STK39: variants seen among roughly 807,000 people sequenced by gnomAD.
STK39 encodes STE20/SPS1-related proline-alanine-rich protein kinase.
A neutral mutation model predicts 77.8 loss-of-function variants in STK39; 20 were observed. The ratio of observed to expected loss-of-function variants is 0.26; its 90% CI spans 0.18 to 0.37. STK39 has a LOEUF of 0.37. STK39 is among the 10% of genes least tolerant of loss of function. The pLI, the probability that STK39 is intolerant of heterozygous loss-of-function variation, is 1.00. For missense variants in STK39, 479 were observed against 656.5 expected, an observed-to-expected ratio of 0.73 and a Z score of 2.95; for synonymous variants, 246 against 234.1, an observed-to-expected ratio of 1.05 and a Z score of -0.47.
At chr2:168,146,311 C>T (rs1688138346) in intron 5 of STK39, among the ~76,000 whole-genome samples, 1 of 152,154 alleles carries the variant, frequency 6.6e-6, no homozygotes, top group East Asian at 1.9e-4. Context: ...TGGGTGAGTA[C>T]CCAAGCCTCA....
intron 1 of STK39, among the ~76,000 whole-genome samples, chr2:168,237,504 T>G (rs909417329): frequency 7.2e-5 from 11 of 152,080 alleles, no homozygotes; most frequent in African/African-American, 1.7e-4. Context: ...GGTGAGAGAG[T>G]GCATCCCTGT....
intron 14 of STK39, among the ~76,000 whole-genome samples, chr2:168,058,754 ACT>A (rs1204198469): frequency 6.6e-6 from 1 of 152,006 alleles, no homozygotes; most frequent in African/African-American, 2.4e-5. Flanking sequence ...GTTAATCCTC[ACT>A]CTGGTCCAAG....
At chr2:168,108,085 G>T (rs576746611) in intron 10 of STK39, among the ~76,000 whole-genome samples, 5 of 152,072 alleles carry the variant, frequency 3.3e-5, no homozygotes, top group Non-Finnish European at 7.4e-5. Flanking sequence ...TTGTATACTG[G>T]AACAACAAGC....
At chr2:168,200,315 A>G (rs2105672031) in intron 1 of STK39, among the ~76,000 whole-genome samples, 1 of 152,238 alleles carries the variant, frequency 6.6e-6, no homozygotes, top group Admixed American at 6.5e-5. Flanking sequence ...CCAAACTACT[A>G]TCTTACTTCA....
At chr2:168,213,048 C>T (rs756818159) in intron 1 of STK39, among the ~76,000 whole-genome samples, 3 of 152,190 alleles carry the variant, frequency 2.0e-5, no homozygotes, top group Non-Finnish European at 4.4e-5. Flanking sequence ...CCCAGTGACT[C>T]GACCCACAGA....
chr2:168,110,438 A>G (rs1054882914), intron 10 of STK39, among the ~76,000 whole-genome samples: 6 of 151,970 alleles, frequency 3.9e-5, no homozygotes, highest in African/African-American at 1.5e-4. Context: ...CGGTCTCGCT[A>G]TGTTGCCCAG....
chr2:168,224,518 A>G (rs943203400), intron 1 of STK39, among the ~76,000 whole-genome samples: 18 of 151,834 alleles, frequency 1.2e-4, no homozygotes, highest in Admixed American at 4.6e-4. Flanking sequence ...TAAGCCAGGC[A>G]TTAGGTGATT....
At chr2:168,158,848 G>C (rs1688500549) in intron 5 of STK39, among the ~76,000 whole-genome samples, 1 of 152,154 alleles carries the variant, frequency 6.6e-6, no homozygotes, top group African/African-American at 2.4e-5. Flanking sequence ...ATTAGTTCCT[G>C]ATTTTATACC....
intron 16 of STK39, among the ~76,000 whole-genome samples, chr2:168,002,102 A>G (rs1389030050): frequency 6.6e-6 from 1 of 152,252 alleles, no homozygotes; most frequent in Non-Finnish European, 1.5e-5. Flanking sequence ...GATATCTACA[A>G]CTAATCCACT....
intron 17 of STK39, among the ~76,000 whole-genome samples, chr2:167,958,979 A>C (rs1038385108): frequency 1.3e-5 from 2 of 152,200 alleles, no homozygotes; most frequent in Non-Finnish European, 2.9e-5. Context: ...ACCCATCACC[A>C]ATCTCATCAG....
At chr2:168,232,246 T>C (rs1265072693) in intron 1 of STK39, 2 of 160,612 alleles carry the variant, frequency 1.2e-5, no homozygotes, top group African/African-American at 4.8e-5. Context: ...ATATAAAATG[T>C]AGCTATAAAG....
intron 14 of STK39, among the ~76,000 whole-genome samples, chr2:168,027,500 T>C (rs1012483762): frequency 2.0e-5 from 3 of 152,076 alleles, no homozygotes; most frequent in Non-Finnish European, 4.4e-5. Flanking sequence ...CCCAAACCAA[T>C]GTCAGATAGA....
At chr2:168,235,853 A>G (rs1381976220) in intron 1 of STK39, among the ~76,000 whole-genome samples, 1 of 152,048 alleles carries the variant, frequency 6.6e-6, no homozygotes, top group East Asian at 1.9e-4. Context: ...CCAGTCTATC[A>G]TTGTTGGACA....
intron 12 of STK39, among the ~76,000 whole-genome samples, chr2:168,070,595 C>G (rs899842622): frequency 1.6e-5 from 2 of 128,166 alleles, no homozygotes; most frequent in Admixed American, 1.7e-4. Context: ...TCCCTCCCCC[C>G]TCCCCCAACT....
Position 168,141,289 on chromosome 2 carries a change from A to AT in STK39, c.629-532dup, listed in dbSNP as rs199530770. Among the ~76,000 whole-genome samples, 5 of 152,248 alleles carry AT rather than the reference A, an allele frequency of 3.3e-5. No homozygotes were observed. The East Asian group carries it at 9.7e-4, about 29-fold the overall frequency. On this transcript the variant is annotated intron_variant, in intron 5 of 17. Coordinates refer to ENST00000355999, the MANE Select transcript of STK39 (RefSeq NM_013233.3). ...CGACCAGAAATGTTTTAGATTTTGG[A>AT]TTTTTTCTCATTTTAAAATACTTGC...
chr2:168,063,625 T>G, intron 13 of STK39, 55 bp from the exon 14 acceptor site: 66 of 1,401,056 alleles, frequency 4.7e-5, no homozygotes, highest in Non-Finnish European at 6.1e-5. Context: ...AAGGAATGAA[T>G]AAAATCACAA....
At chr2:168,167,839 C>CA (rs1688727861) in intron 2 of STK39, among the ~76,000 whole-genome samples, 1 of 152,004 alleles carries the variant, frequency 6.6e-6, no homozygotes, top group Non-Finnish European at 1.5e-5. Flanking sequence ...CTCCCTCATC[C>CA]AAAAAACGAC....
chr2:168,220,804 A>G (rs1338570342), intron 1 of STK39, among the ~76,000 whole-genome samples: 2 of 152,180 alleles, frequency 1.3e-5, no homozygotes, highest in Non-Finnish European at 2.9e-5. Flanking sequence ...GACTGAGGAG[A>G]TTAAGATTAT....
chr2:168,245,711 G>A (rs1447852179), intron 1 of STK39, among the ~76,000 whole-genome samples: 1 of 152,200 alleles, frequency 6.6e-6, no homozygotes, highest in Non-Finnish European at 1.5e-5. Context: ...AGGCAGGCAG[G>A]TTGAGGGTAC....
Sources: allele counts gnomAD v4.1 joint callset (sites outside exome capture counted in the v4.1 genomes callset), GRCh38; gene constraint gnomAD v4.1.1; transcripts MANE v1.5; gene names NCBI Gene and HGNC (gene_info 2026-07-23, HGNC 2026-07-21).